Variants in CDKAL1 observed in about 807,000 individuals in gnomAD.
CDKAL1 encodes CDKAL1 threonylcarbamoyladenosine tRNA methylthiotransferase.
CDKAL1 carries 32 observed loss-of-function variants against 68.2 expected under a neutral mutation model. The observed-to-expected ratio is 0.47, with a 90% CI of 0.35 to 0.63. CDKAL1 has a LOEUF of 0.63. Ranked by LOEUF, CDKAL1 falls within the 30% of genes least tolerant of loss-of-function variation. The probability of loss-of-function intolerance (pLI) is 0.00; values close to 1 mark genes in which losing one functional copy is unlikely to be tolerated. For missense variants in CDKAL1, 606 were observed against 696.7 expected, an observed-to-expected ratio of 0.87 and a Z score of 1.47; for synonymous variants, 234 against 244.3, an observed-to-expected ratio of 0.96 and a Z score of 0.39.
chr6:20,593,401 G>T (rs1765677215), intron 4 of CDKAL1, among the ~76,000 whole-genome samples: 1 of 152,084 alleles, frequency 6.6e-6, no homozygotes, highest in South Asian at 2.1e-4. Context: ...AGTCTTGGGA[G>T]GGTGTATGTG....
intron 11 of CDKAL1, among the ~76,000 whole-genome samples, chr6:21,010,307 GGTT>G (rs1767943002): frequency 6.6e-6 from 1 of 152,164 alleles, no homozygotes; most frequent in Non-Finnish European, 1.5e-5. Context: ...TAATGCCAGT[GGTT>G]GTTAACATGT....
intron 11 of CDKAL1, among the ~76,000 whole-genome samples, chr6:21,004,796 A>G (rs1458970882): frequency 1.3e-5 from 2 of 151,910 alleles, no homozygotes; most frequent in African/African-American, 2.4e-5. Flanking sequence ...CTCTACAAAA[A>G]AATAAAAATA....
chr6:21,045,459 G>C (rs746603908), intron 11 of CDKAL1, among the ~76,000 whole-genome samples: 4 of 152,162 alleles, frequency 2.6e-5, no homozygotes, highest in Non-Finnish European at 5.9e-5. Context: ...TCAGGGGCTA[G>C]TTGTACCTAT....
chr6:20,970,950 A>G (rs1280879259), intron 10 of CDKAL1, among the ~76,000 whole-genome samples: 1 of 151,950 alleles, frequency 6.6e-6, no homozygotes, highest in Non-Finnish European at 1.5e-5. Flanking sequence ...CCAGATTCAA[A>G]TGTTTCTCCT....
intron 9 of CDKAL1, among the ~76,000 whole-genome samples, chr6:20,866,679 C>T (rs1759925225): frequency 6.6e-6 from 1 of 152,126 alleles, no homozygotes; most frequent in Non-Finnish European, 1.5e-5. Context: ...AAAATTCACC[C>T]ATGTGTCTTT....
chr6:20,994,292 G>A (rs556722156), intron 10 of CDKAL1, among the ~76,000 whole-genome samples: 30 of 152,196 alleles, frequency 2.0e-4, no homozygotes, highest in Non-Finnish European at 3.1e-4. Flanking sequence ...CAGCCTGGCC[G>A]ATATGGTGAA....
At chr6:20,852,099 T>C (rs529932712) in intron 9 of CDKAL1, among the ~76,000 whole-genome samples, 1 of 152,304 alleles carries the variant, frequency 6.6e-6, no homozygotes, top group Admixed American at 6.5e-5. Context: ...ATGTTTGTTA[T>C]AACAATTGTC....
chr6:20,868,816 G>A (rs566102681), intron 9 of CDKAL1, among the ~76,000 whole-genome samples: 1 of 152,306 alleles, frequency 6.6e-6, no homozygotes, highest in East Asian at 1.9e-4. Flanking sequence ...TGACTAGAGT[G>A]CTGAGTTTTC....
intron 9 of CDKAL1, among the ~76,000 whole-genome samples, chr6:20,927,795 T>C (rs1006041718): frequency 6.6e-6 from 1 of 152,226 alleles, no homozygotes; most frequent in East Asian, 1.9e-4. Context: ...TTTAAGCTTA[T>C]AAACACTATA....
chr6:20,754,246 G>T (rs1176614132), intron 6 of CDKAL1, among the ~76,000 whole-genome samples: 1 of 152,092 alleles, frequency 6.6e-6, no homozygotes, highest in Non-Finnish European at 1.5e-5. Flanking sequence ...GCCTCCCAAA[G>T]TGCTGGGATT....
intron 8 of CDKAL1, among the ~76,000 whole-genome samples, chr6:20,814,056 G>A (rs1405091483): frequency 6.6e-6 from 1 of 151,918 alleles, no homozygotes; most frequent in Non-Finnish European, 1.5e-5. Flanking sequence ...TCTCATTCAT[G>A]AACATGGTAT....
chr6:21,099,429 A>T (rs1242162608), intron 12 of CDKAL1, among the ~76,000 whole-genome samples: 1 of 151,558 alleles, frequency 6.6e-6, no homozygotes, highest in Admixed American at 6.6e-5. Context: ...TGTGCTTTTT[A>T]TTTTTCTTTT....
chr6:20,888,436 T>A (rs904641201), intron 9 of CDKAL1, among the ~76,000 whole-genome samples: 1 of 150,410 alleles, frequency 6.6e-6, no homozygotes, highest in Non-Finnish European at 1.5e-5. Flanking sequence ...TTGTTACATA[T>A]GTATACATGT....
At chr6:21,051,643 C>T (rs1417340516) in intron 11 of CDKAL1, among the ~76,000 whole-genome samples, 5 of 152,008 alleles carry the variant, frequency 3.3e-5, no homozygotes, top group Non-Finnish European at 4.4e-5. Context: ...TTATATTAAA[C>T]AAGATGAAGT....
intron 5 of CDKAL1, among the ~76,000 whole-genome samples, chr6:20,735,540 G>A (rs1424703507): frequency 6.6e-6 from 1 of 152,192 alleles, no homozygotes; most frequent in Non-Finnish European, 1.5e-5. Flanking sequence ...CGTGATATGT[G>A]AGTATTATGG....
At chr6:21,111,389 T>A (rs1352178363) in intron 13 of CDKAL1, among the ~76,000 whole-genome samples, 1 of 152,230 alleles carries the variant, frequency 6.6e-6, no homozygotes, top group East Asian at 1.9e-4. Flanking sequence ...CAGCTTTGCC[T>A]ACTAGAAACT....
intron 9 of CDKAL1, among the ~76,000 whole-genome samples, chr6:20,915,308 A>C (rs1041067185): frequency 7.9e-5 from 12 of 152,042 alleles, no homozygotes; most frequent in East Asian, 5.8e-4. Context: ...ACACACACAC[A>C]CCCCCACACA....
At chr6:20,983,834 C>G (rs1255922553) in intron 10 of CDKAL1, among the ~76,000 whole-genome samples, 3 of 152,144 alleles carry the variant, frequency 2.0e-5, no homozygotes, top group African/African-American at 7.2e-5. Context: ...TTCTCCCACT[C>G]CCAGAAATGA....
chr6:20,902,816 C>T (rs534197874), intron 9 of CDKAL1, among the ~76,000 whole-genome samples: 6 of 152,038 alleles, frequency 3.9e-5, no homozygotes, highest in Admixed American at 6.5e-5. Flanking sequence ...AGGGGGGTGA[C>T]GGCAGGTCAT....
Sources: gnomAD v4.1 joint callset for allele counts (sites outside exome capture counted in the v4.1 genomes callset) on GRCh38, gnomAD v4.1.1 for gene constraint, MANE v1.5 for transcripts, NCBI Gene and HGNC (gene_info 2026-07-23, HGNC 2026-07-21) for gene names.